The following CARD14 variants were observed in gnomAD, a reference collection of about 807,000 sequenced individuals.
CARD14 encodes caspase recruitment domain-containing protein 14.
Under a neutral mutation model 111.5 loss-of-function variants are expected in CARD14, and 107 were observed. The observed-to-expected ratio is 0.96, with a 90% CI of 0.82 to 1.13. CARD14 has a LOEUF of 1.13. Among genes scored for constraint, CARD14 ranks in the 50% most tolerant of loss-of-function variants. The pLI, the probability that CARD14 is intolerant of heterozygous loss-of-function variation, is 0.00. For missense variants in CARD14, 1,322 were observed against 1,362.3 expected (o/e 0.97, Z 0.47); for synonymous variants, 617 against 579.6 (o/e 1.06, Z -0.93).
chr17:80,180,374 G>A (rs1282627604), intron 4 of CARD14, among the ~76,000 whole-genome samples: 2 of 152,082 alleles, frequency 1.3e-5, no homozygotes, highest in African/African-American at 2.4e-5. Flanking sequence ...TGTCTGCCTC[G>A]CCATCTTTGT....
intron 21 of CARD14, 23 bp downstream of exon 21, chr17:80,205,228 C>T: frequency 6.3e-7 from 1 of 1,588,430 alleles, no homozygotes; most frequent in Non-Finnish European, 8.6e-7. Context: ...CTGGGAATCC[C>T]TCTACCCCTT....
rs756350753 is a variant in CARD14, at chr17:80,195,587, C to T, written c.1529C>T (p.Pro510Leu). 6.8e-6 allele frequency: 11 copies of T among 1,612,778 alleles called. No homozygotes were observed. Among genetic ancestry groups the T allele is most frequent in the Middle Eastern group, 3.3e-4 (2 of 6,060 alleles). The change falls in exon 14 of 24, where the codon CCG becomes CTG. Residue 510 changes from proline to leucine, a missense_variant. Pro to Leu is a moderately conservative substitution (Grantham distance 98, BLOSUM62 -3). Transcript: ENST00000648509. The surrounding 1 kb of genome is among the most constrained non-coding windows in gnomAD (Gnocchi z 4.7). ...TGCCTGGAGATCCCGGAGGGAGACC[C>T]GGGAGCCCTGCCGGGAGCTAAGGCA... ...SSCLEIPEGDPGALPGAKAGD... is the reference protein window; with the variant it reads ...SSCLEIPEGDLGALPGAKAGD...
intron 1 of CARD14, among the ~76,000 whole-genome samples, chr17:80,172,070 T>C (rs1304288730): frequency 6.6e-6 from 1 of 152,226 alleles, no homozygotes; most frequent in Non-Finnish European, 1.5e-5. Context: ...ATGTGGCCCC[T>C]TGGCAACTCG....
At position 80,198,828 on chromosome 17, in the gene CARD14, G is replaced by T. The variant is rs894661747; in HGVS notation, c.1851+237G>T. 103 of 1,469,886 alleles carry T rather than the reference G, an allele frequency of 7.0e-5. No individual in the cohort carries two copies. The highest frequency in any genetic ancestry group is 8.8e-5 in the Non-Finnish European group (98 of 1,116,030). The allele number at this position is 1,469,886 out of a possible 1,614,324, so 91.1% of individuals were successfully genotyped here. A position where few individuals can be genotyped will look rare whatever the true frequency, so the allele number is the denominator to read the frequency against. On this transcript the variant is annotated intron_variant, in intron 16 of 23. Coordinates refer to ENST00000648509, the MANE Select transcript of CARD14 (RefSeq NM_001366385.1). The surrounding 1 kb of genome is among the most constrained non-coding windows in gnomAD (Gnocchi z 7.5). ...CTGCCATGCGGCGCTTCTGACCAGGGGTCTTTGCATGAGGCCCCTTGACAG... is the reference window on the plus strand; with the variant it reads ...CTGCCATGCGGCGCTTCTGACCAGGTGTCTTTGCATGAGGCCCCTTGACAG...
rs1292601264 is a variant in CARD14 at position 80,188,585 on chromosome 17, T to TG, written c.843+46dup. The TG allele has an allele frequency of 7.0e-7, 1 of 1,419,098 alleles. No individual in the cohort carries two copies. Among genetic ancestry groups the TG allele is most frequent in the Non-Finnish European group, 9.2e-7 (1 of 1,081,616 alleles). The allele number at this position is 1,419,098 out of a possible 1,614,324, so 87.9% of individuals were successfully genotyped here. A position where few individuals can be genotyped will look rare whatever the true frequency, so the allele number is the denominator to read the frequency against. ...CGCAGCAGAGAGCGGCCTCCTGCCT[T>TG]GGGGGCTTGGCCCTCAGGCTGTGGG... is the stretch of plus-strand genomic sequence containing the variant. On this transcript the variant is annotated intron_variant, in intron 8 of 23. Transcript: ENST00000648509. This position sits in a 1 kb window ranked among gnomAD's most constrained non-coding sequence, Gnocchi z 4.5.
At chr17:80,190,635 A>G in intron 9 of CARD14, 139 bp from the exon 10 acceptor site, 1 of 811,126 alleles carries the variant, frequency 1.2e-6, no homozygotes, top group South Asian at 2.5e-5. Context: ...AAAAAGAGAG[A>G]GAGAGACGAG....
chr17:80,206,379 C>T (rs2041308453), intron 22 of CARD14, among the ~76,000 whole-genome samples: 1 of 152,184 alleles, frequency 6.6e-6, no homozygotes, highest in Non-Finnish European at 1.5e-5. Context: ...TTTGGGAGGC[C>T]TAGGCGGGAA....
Position 80,207,176 on chromosome 17 carries a change from C to T in CARD14, c.2807+91C>T, listed in dbSNP as rs918108416. 1.6e-5 allele frequency: 14 copies of T among 860,280 alleles called. No individual in the cohort carries two copies. The Admixed American group carries it at 1.7e-4, about 11-fold the overall frequency. 53.3% of individuals were successfully genotyped at this position (860,280 alleles called of 1,614,324 possible). A position where few individuals can be genotyped will look rare whatever the true frequency, so the allele number is the denominator to read the frequency against. ...GCAGGTGCCTCTGGAGTGTGCTCTG[C>T]GGTTTGCAGGAAGCTGAGGCGCTGA... On this transcript the variant is annotated intron_variant, in intron 23 of 23. Coordinates refer to ENST00000648509, the MANE Select transcript of CARD14 (RefSeq NM_001366385.1).
chr17:80,191,433 C>T lies in CARD14; in HGVS notation c.1200C>T (p.Arg400=). ...TGACGGACCAGGTCTGCGAGCTGCG[C>T]ACACAGCTTCGCCAGCTGCAGGCAG... ...FELTDQVCEL[R]TQLRQLQAEP... The change falls in exon 11 of 24, where the codon CGC becomes CGT. Residue 400 remains arginine (R), a synonymous_variant. Transcript: ENST00000648509. 2.5e-6 allele frequency: 4 copies of T among 1,613,506 alleles called. No individual in the cohort carries two copies. The highest frequency in any genetic ancestry group is 1.7e-4 in the Middle Eastern group (1 of 6,056).
chr17:80,204,144 A>G, intron 19 of CARD14, 83 bp from the exon 20 acceptor site: 1 of 1,365,954 alleles, frequency 7.3e-7, no homozygotes. Context: ...AGGTCGCCCT[A>G]GTGCCAATCA....
intron 2 of CARD14, among the ~76,000 whole-genome samples, chr17:80,178,026 A>G (rs571073933): frequency 6.6e-6 from 1 of 152,244 alleles, no homozygotes; most frequent in East Asian, 1.9e-4. Context: ...GCAAGCCTCA[A>G]TCACCTGTTC....
chr17:80,175,559 A>G (rs1375921493), intron 2 of CARD14, among the ~76,000 whole-genome samples: 1 of 152,102 alleles, frequency 6.6e-6, no homozygotes, highest in African/African-American at 2.4e-5. Flanking sequence ...CTAGGGGGTC[A>G]CAGGGTCAGC....
At chr17:80,185,143 C>T (rs1414181142) in intron 7 of CARD14, among the ~76,000 whole-genome samples, 1 of 152,268 alleles carries the variant, frequency 6.6e-6, no homozygotes, top group Non-Finnish European at 1.5e-5. Flanking sequence ...CAGCCTTAAA[C>T]TCCTGAGCTC....
At chr17:80,175,353 AT>A (rs1460375441) in intron 2 of CARD14, among the ~76,000 whole-genome samples, 1 of 152,078 alleles carries the variant, frequency 6.6e-6, no homozygotes, top group South Asian at 2.1e-4. Flanking sequence ...TCACTTATTT[AT>A]TTTTTTAACT....
At position 80,182,728 on chromosome 17, in the gene CARD14, A is replaced by G; in HGVS notation, c.287A>G (p.Asn96Ser). The G allele has an allele frequency of 1.9e-6, 3 of 1,613,590 alleles. No homozygotes were observed. The South Asian group carries it at 3.3e-5, about 18-fold the overall frequency. ...IAFLESLKFH[N>S]PDVYTLVTGL... ...TTCCTGGAGAGCCTGAAGTTCCACA[A>G]CCCTGACGTCTACACCCTGGTCACC... Residue 96 changes from asparagine (N) to serine (S), a missense_variant, in exon 6 of 24, where the codon AAC (asparagine) becomes AGC (serine). Physicochemically the swap from Asn to Ser is conservative, Grantham distance 46. Coordinates refer to ENST00000648509, the MANE Select transcript of CARD14 (RefSeq NM_001366385.1). The surrounding 1 kb of genome is among the most constrained non-coding windows in gnomAD (Gnocchi z 4.7).
At chr17:80,184,995 A>T (rs903234895) in intron 7 of CARD14, among the ~76,000 whole-genome samples, 1 of 152,152 alleles carries the variant, frequency 6.6e-6, no homozygotes, top group African/African-American at 2.4e-5. Context: ...TTCTCAAAAT[A>T]CTGAGGATGT....
chr17:80,181,288 C>T, intron 4 of CARD14, 131 bp from the exon 5 acceptor site: 1 of 679,558 alleles, frequency 1.5e-6, no homozygotes, highest in South Asian at 1.9e-5. Context: ...CATCTCAAGA[C>T]TGTGGGTTCT....
At chr17:80,180,964 T>C (rs2040152718) in intron 4 of CARD14, among the ~76,000 whole-genome samples, 1 of 152,100 alleles carries the variant, frequency 6.6e-6, no homozygotes, top group Admixed American at 6.5e-5. Flanking sequence ...GGTTTCACCA[T>C]ATTTGCCAGG....
chr17:80,205,956 G>A (rs992398894), intron 22 of CARD14: 25 of 241,538 alleles, frequency 1.0e-4, no homozygotes, highest in Non-Finnish European at 4.8e-5. Context: ...GTTTGAAGGC[G>A]CAAACGCGTG....
Sources: allele counts gnomAD v4.1 joint callset (sites outside exome capture counted in the v4.1 genomes callset), GRCh38; gene constraint gnomAD v4.1.1; non-coding constraint Gnocchi (gnomAD v3.1); transcripts MANE v1.5; gene names NCBI Gene and HGNC (gene_info 2026-07-23, HGNC 2026-07-21).